Variants in RERE observed in about 807,000 individuals in gnomAD.
The protein encoded by RERE is arginine-glutamic acid dipeptide repeats, also known as arginine-glutamic acid dipeptide repeats protein.
In RERE, 40 loss-of-function variants were observed where a neutral mutation model predicts 146.1. The ratio of observed to expected loss-of-function variants is 0.27; its 90% CI spans 0.21 to 0.36. The LOEUF is 0.36. Among genes scored for constraint, RERE ranks in the 10% least tolerant of loss-of-function variants. RERE has a pLI of 1.00. For synonymous variants in RERE, 1,003 were observed against 866.0 expected (o/e 1.16, Z -2.78); for missense variants, 1,933 against 2,138.7 (o/e 0.90, Z 1.90).
chr1:8,694,294 G>C (rs1639273126), intron 1 of RERE, among the ~76,000 whole-genome samples: 1 of 152,134 alleles, frequency 6.6e-6, no homozygotes, highest in Non-Finnish European at 1.5e-5. Context: ...AGGATACAAA[G>C]TCAATGTACA....
At chr1:8,514,225 GA>G (rs1274951281) in intron 7 of RERE, among the ~76,000 whole-genome samples, 2 of 152,202 alleles carry the variant, frequency 1.3e-5, no homozygotes, top group Admixed American at 6.5e-5. Flanking sequence ...TCATCTTCAA[GA>G]AAGTTTCTGC....
intron 12 of RERE, among the ~76,000 whole-genome samples, chr1:8,373,368 C>T (rs538288161): frequency 6.6e-6 from 1 of 152,260 alleles, no homozygotes; most frequent in South Asian, 2.1e-4. Context: ...CATCTGGCTC[C>T]TTCTTTGGTG....
At chr1:8,541,391 G>A (rs190274322) in intron 6 of RERE, 73 bp from the exon 7 acceptor site, 649 of 865,366 alleles carry the variant, frequency 7.5e-4, no homozygotes, top group Non-Finnish European at 8.6e-4. Flanking sequence ...AGGGGGAAGG[G>A]TGGAGGAAGC....
chr1:8,362,897 A>T, intron 15 of RERE, 53 bp from the exon 16 acceptor site: 1 of 1,572,562 alleles, frequency 6.4e-7, no homozygotes, highest in Non-Finnish European at 8.6e-7. Context: ...CCCCATGTGG[A>T]CCCACCTGAG....
chr1:8,434,052 T>C (rs1469270266), intron 11 of RERE, among the ~76,000 whole-genome samples: 2 of 152,234 alleles, frequency 1.3e-5, no homozygotes, highest in East Asian at 1.9e-4. Context: ...CTGGCTGTTC[T>C]ACCCTCCTCA....
intron 1 of RERE, among the ~76,000 whole-genome samples, chr1:8,773,673 A>G (rs910815242): frequency 6.6e-6 from 1 of 152,090 alleles, no homozygotes; most frequent in African/African-American, 2.4e-5. Context: ...AAAACACAAA[A>G]ATTAGCCGGG....
chr1:8,364,871 GA>G lies in RERE; in HGVS notation c.1448-34del, dbSNP rs771693219. On this transcript the variant is annotated intron_variant, in intron 13 of 22. Coordinates refer to ENST00000400908, the MANE Select transcript of RERE (RefSeq NM_001042681.2). The surrounding 1 kb of genome is among the most constrained non-coding windows in gnomAD (Gnocchi z 5.1). ...TGGCAGGCACATAGTGGGGGTGGGG[GA>G]GACACCATCATGCTCAGCCAAGGCT... 2.2e-5 allele frequency: 24 copies of G among 1,101,706 alleles called. No individual in the cohort carries two copies. The highest frequency in any genetic ancestry group is 3.0e-5 in the Non-Finnish European group (24 of 788,956). The allele number at this position is 1,101,706 out of a possible 1,614,324, so 68.2% of individuals were successfully genotyped here. A position where few individuals can be genotyped will look rare whatever the true frequency, so the allele number is the denominator to read the frequency against.
chr1:8,502,453 G>A (rs1376457499), intron 8 of RERE, among the ~76,000 whole-genome samples: 4 of 124,586 alleles, frequency 3.2e-5, no homozygotes, highest in South Asian at 2.7e-4. Context: ...CGCCCCGTCC[G>A]GGAGGGTGGT....
At chr1:8,361,626 C>A (rs540301658) in intron 17 of RERE, 136 bp from the exon 18 acceptor site, 7 of 1,366,884 alleles carry the variant, frequency 5.1e-6, no homozygotes, top group South Asian at 1.2e-5. Context: ...AGGTCGTGCC[C>A]TGACCCAGCC....
At chr1:8,504,870 G>C (rs867881008) in intron 8 of RERE, among the ~76,000 whole-genome samples, 1 of 151,888 alleles carries the variant, frequency 6.6e-6, no homozygotes, top group African/African-American at 2.4e-5. Flanking sequence ...AAAAATAAAT[G>C]ATCAGTGGCT....
chr1:8,405,519 G>A (rs1287876919), intron 12 of RERE, among the ~76,000 whole-genome samples: 2 of 152,152 alleles, frequency 1.3e-5, no homozygotes, highest in Non-Finnish European at 2.9e-5. Flanking sequence ...TAAAAATTAG[G>A]TTATAGAACT....
At chr1:8,437,027 G>A (rs1644178907) in intron 11 of RERE, among the ~76,000 whole-genome samples, 1 of 152,150 alleles carries the variant, frequency 6.6e-6, no homozygotes, top group African/African-American at 2.4e-5. Context: ...TATACTGTTA[G>A]AATCATGGGC....
chr1:8,404,017 G>C (rs1362814246), intron 12 of RERE, among the ~76,000 whole-genome samples: 2 of 151,720 alleles, frequency 1.3e-5, no homozygotes, highest in Non-Finnish European at 2.9e-5. Context: ...TTTTAGTAGA[G>C]ACGGGGTTTC....
chr1:8,452,215 C>T (rs1644398348), intron 11 of RERE, among the ~76,000 whole-genome samples: 1 of 152,224 alleles, frequency 6.6e-6, no homozygotes, highest in African/African-American at 2.4e-5. Context: ...GAGCAAGCTG[C>T]TCACCTCAGC....
intron 11 of RERE, among the ~76,000 whole-genome samples, chr1:8,447,547 C>G (rs1316006710): frequency 6.6e-6 from 1 of 152,204 alleles, no homozygotes; most frequent in African/African-American, 2.4e-5. Context: ...TTCTAACAGT[C>G]AGGCCCCTCT....
intron 12 of RERE, among the ~76,000 whole-genome samples, chr1:8,373,198 T>G (rs527474943): frequency 6.6e-6 from 1 of 152,212 alleles, no homozygotes; most frequent in Admixed American, 6.5e-5. Context: ...GACACAAGAT[T>G]ATCTGTTCCT....
At chr1:8,718,950 T>C (rs1331288177) in intron 1 of RERE, among the ~76,000 whole-genome samples, 2 of 152,182 alleles carry the variant, frequency 1.3e-5, no homozygotes, top group Non-Finnish European at 2.9e-5. Flanking sequence ...GACTCTGTCA[T>C]CGACTTATTG....
At chr1:8,634,324 T>TC (rs1244914934) in intron 2 of RERE, among the ~76,000 whole-genome samples, 1 of 152,186 alleles carries the variant, frequency 6.6e-6, no homozygotes, top group African/African-American at 2.4e-5. Flanking sequence ...GAGCAATTTC[T>TC]CCCCACAAAA....
At chr1:8,663,120 T>C (rs1034826425) in intron 1 of RERE, among the ~76,000 whole-genome samples, 11 of 152,192 alleles carry the variant, frequency 7.2e-5, no homozygotes, top group African/African-American at 2.7e-4. Flanking sequence ...ATCTATCCAG[T>C]TCCATGATTA....
Sources: allele counts gnomAD v4.1 joint callset (sites outside exome capture counted in the v4.1 genomes callset), GRCh38; gene constraint gnomAD v4.1.1; non-coding constraint Gnocchi (gnomAD v3.1); transcripts MANE v1.5; gene names NCBI Gene and HGNC (gene_info 2026-07-23, HGNC 2026-07-21).